ATP8A2: variants seen among roughly 807,000 people sequenced by gnomAD.
The protein encoded by ATP8A2 is phospholipid-transporting ATPase IB.
A neutral mutation model predicts 165.6 loss-of-function variants in ATP8A2; 100 were observed. That is an observed-to-expected ratio of 0.60 (90% CI 0.51 to 0.71). The LOEUF (loss-of-function observed/expected upper bound fraction) is 0.71. Among genes scored for constraint, ATP8A2 ranks in the 30% least tolerant of loss-of-function variants. The pLI, the probability that ATP8A2 is intolerant of heterozygous loss-of-function variation, is 0.00. For missense variants in ATP8A2, 1,227 were observed against 1,479.5 expected (o/e 0.83, Z 2.80); for synonymous variants, 543 against 548.8 (o/e 0.99, Z 0.15).
At chr13:25,446,291 A>C (rs1004198967) in intron 1 of ATP8A2, among the ~76,000 whole-genome samples, 2 of 152,038 alleles carry the variant, frequency 1.3e-5, no homozygotes, top group Non-Finnish European at 2.9e-5. Context: ...TGCCACAGAG[A>C]ATGTATATTT....
intron 2 of ATP8A2, among the ~76,000 whole-genome samples, chr13:25,515,429 C>T (rs2037435476): frequency 6.6e-6 from 1 of 152,258 alleles, no homozygotes; most frequent in Non-Finnish European, 1.5e-5. Context: ...GAAGCTAGAG[C>T]CCGTTCTTCC....
At chr13:25,904,134 T>C (rs1953855958) in intron 33 of ATP8A2, among the ~76,000 whole-genome samples, 2 of 152,210 alleles carry the variant, frequency 1.3e-5, no homozygotes, top group South Asian at 4.1e-4. Context: ...CAAAGTGCTC[T>C]AGCAAGCGTT....
At chr13:25,561,147 A>C (rs2138118127) in intron 15 of ATP8A2, among the ~76,000 whole-genome samples, 1 of 152,188 alleles carries the variant, frequency 6.6e-6, no homozygotes, top group East Asian at 1.9e-4. Flanking sequence ...GGCCTCCCAA[A>C]GTGAATTTTT....
intron 11 of ATP8A2, among the ~76,000 whole-genome samples, chr13:25,552,152 A>G (rs1362432265): frequency 6.6e-6 from 1 of 151,844 alleles, no homozygotes; most frequent in Non-Finnish European, 1.5e-5. Flanking sequence ...ATGCCTGGCT[A>G]ATTTTTGTAT....
At chr13:25,751,056 A>G (rs996612566) in intron 25 of ATP8A2, among the ~76,000 whole-genome samples, 1 of 152,180 alleles carries the variant, frequency 6.6e-6, no homozygotes. Flanking sequence ...CATTTTCCTG[A>G]TAAAATTTAG....
intron 1 of ATP8A2, among the ~76,000 whole-genome samples, chr13:25,408,177 G>A (rs913728679): frequency 6.6e-6 from 1 of 152,028 alleles, no homozygotes; most frequent in African/African-American, 2.4e-5. Flanking sequence ...GGCAGATGAC[G>A]AGGTCAGGAG....
intron 1 of ATP8A2, among the ~76,000 whole-genome samples, chr13:25,466,416 A>G (rs2035669648): frequency 6.6e-6 from 1 of 152,074 alleles, no homozygotes; most frequent in Non-Finnish European, 1.5e-5. Flanking sequence ...TGTACTCAGA[A>G]TCTATTCCAC....
chr13:25,376,660 A>T (rs578212353), intron 1 of ATP8A2, among the ~76,000 whole-genome samples: 39 of 152,374 alleles, frequency 2.6e-4, no homozygotes, highest in Middle Eastern at 6.8e-3. Flanking sequence ...GATATCGACA[A>T]CATGTTAGAT....
intron 8 of ATP8A2, 43 bp from the exon 9 acceptor site, chr13:25,541,875 AC>A: frequency 6.2e-7 from 1 of 1,611,796 alleles, no homozygotes; most frequent in South Asian, 1.1e-5. Context: ...GTCCCTAAGC[AC>A]AGAAGATTGT....
At chr13:25,687,237 G>A (rs2042620930) in intron 24 of ATP8A2, among the ~76,000 whole-genome samples, 1 of 152,190 alleles carries the variant, frequency 6.6e-6, no homozygotes, top group Admixed American at 6.5e-5. Context: ...TAGGTGATTG[G>A]TTTGTTTGCT....
At chr13:25,875,576 G>A in intron 33 of ATP8A2, among the ~76,000 whole-genome samples, 1 of 151,890 alleles carries the variant, frequency 6.6e-6, no homozygotes, top group Non-Finnish European at 1.5e-5. Flanking sequence ...CACCTAAGAA[G>A]TGATTAATAG....
chr13:25,838,401 C>G (rs1176733915), intron 29 of ATP8A2, among the ~76,000 whole-genome samples: 1 of 152,142 alleles, frequency 6.6e-6, no homozygotes, highest in African/African-American at 2.4e-5. Context: ...TTTTACCAAT[C>G]CTTGTTGACT....
At chr13:25,726,723 A>G (rs1400639072) in intron 25 of ATP8A2, among the ~76,000 whole-genome samples, 1 of 152,114 alleles carries the variant, frequency 6.6e-6, no homozygotes, top group Non-Finnish European at 1.5e-5. Flanking sequence ...ACCTAAAGTA[A>G]CATTTATAGG....
At chr13:25,960,325 G>C (rs899540964) in intron 33 of ATP8A2, among the ~76,000 whole-genome samples, 4 of 152,156 alleles carry the variant, frequency 2.6e-5, no homozygotes, top group Non-Finnish European at 5.9e-5. Flanking sequence ...GGTGAATCCT[G>C]CCCTCATTTT....
At chr13:25,693,334 G>A (rs1788307598) in intron 24 of ATP8A2, among the ~76,000 whole-genome samples, 1 of 152,202 alleles carries the variant, frequency 6.6e-6, no homozygotes, top group Non-Finnish European at 1.5e-5. Flanking sequence ...TCCACCACAT[G>A]TGTGTGGTGA....
intron 25 of ATP8A2, among the ~76,000 whole-genome samples, chr13:25,757,336 G>T (rs926746865): frequency 6.6e-6 from 1 of 152,146 alleles, no homozygotes; most frequent in Admixed American, 6.5e-5. Context: ...TATCACCAGA[G>T]CCCCAAGACC....
chr13:25,990,979 A>T (rs1956378767), intron 35 of ATP8A2, among the ~76,000 whole-genome samples: 1 of 152,118 alleles, frequency 6.6e-6, no homozygotes, highest in Non-Finnish European at 1.5e-5. Context: ...CACGGAGCTC[A>T]GCCTTGCAAG....
chr13:25,875,044 A>T (rs1474100178), intron 33 of ATP8A2, among the ~76,000 whole-genome samples: 2 of 151,980 alleles, frequency 1.3e-5, no homozygotes, highest in Admixed American at 1.3e-4. Flanking sequence ...CTGCTTGTAT[A>T]TAGTGAGTAC....
intron 25 of ATP8A2, among the ~76,000 whole-genome samples, chr13:25,765,646 G>C (rs1259282347): frequency 6.6e-6 from 1 of 152,026 alleles, no homozygotes; most frequent in Non-Finnish European, 1.5e-5. Context: ...TATATACCCT[G>C]GTCAGGTTTT....
Sources: gnomAD v4.1 joint callset for allele counts (sites outside exome capture counted in the v4.1 genomes callset) on GRCh38, gnomAD v4.1.1 for gene constraint, MANE v1.5 for transcripts, NCBI Gene and HGNC (gene_info 2026-07-23, HGNC 2026-07-21) for gene names.